Variants in FHIP1A observed in about 807,000 individuals in gnomAD.
FHIP1A encodes FHF complex subunit HOOK-interacting protein 1A.
Under a neutral mutation model 88.6 loss-of-function variants are expected in FHIP1A, and 61 were observed. The observed-to-expected ratio is 0.69, with a 90% CI of 0.56 to 0.85. The LOEUF (loss-of-function observed/expected upper bound fraction) is 0.85. FHIP1A is among the 40% of genes least tolerant of loss of function. The pLI is 0.00. For missense variants in FHIP1A, 1,154 were observed against 1,273.5 expected (o/e 0.91, Z 1.43); for synonymous variants, 478 against 496.0 (o/e 0.96, Z 0.48).
chr4:151,460,953 G>A (rs1365916200), intron 2 of FHIP1A, among the ~76,000 whole-genome samples: 1 of 152,130 alleles, frequency 6.6e-6, no homozygotes, highest in East Asian at 1.9e-4. Flanking sequence ...TTATTTGACT[G>A]GTATAAATTA....
intron 3 of FHIP1A, among the ~76,000 whole-genome samples, chr4:151,523,439 G>A (rs1305383188): frequency 6.6e-6 from 1 of 152,154 alleles, no homozygotes; most frequent in Non-Finnish European, 1.5e-5. Flanking sequence ...CTCCCCATAA[G>A]TGAAATTGAT....
intron 1 of FHIP1A, among the ~76,000 whole-genome samples, chr4:151,428,303 G>T (rs1487077161): frequency 6.6e-6 from 1 of 152,048 alleles, no homozygotes; most frequent in Non-Finnish European, 1.5e-5. Context: ...GATTGAAAAA[G>T]AACCCTAACA....
intron 3 of FHIP1A, among the ~76,000 whole-genome samples, chr4:151,551,875 C>G (rs913785642): frequency 3.9e-5 from 6 of 152,076 alleles, no homozygotes; most frequent in Admixed American, 2.0e-4. Context: ...AAAGAAACTA[C>G]CATCAGAGTG....
chr4:151,416,030 T>A (rs1413325504), intron 1 of FHIP1A, among the ~76,000 whole-genome samples: 3 of 152,156 alleles, frequency 2.0e-5, no homozygotes, highest in Non-Finnish European at 4.4e-5. Context: ...TTTTGCAGAA[T>A]GCAGAGTGTA....
rs2126946734 is a variant in FHIP1A, at chr4:151,669,766, T to A, written c.*7012T>A. ...AGTCTCTTAAAATTCTGTCACTAATTTTTTTAAACGACTTTTTTTAAAAAG... is the reference window on the plus strand; with the variant it reads ...AGTCTCTTAAAATTCTGTCACTAATATTTTTAAACGACTTTTTTTAAAAAG... On this transcript the variant is annotated 3_prime_UTR_variant, in exon 14 of 14. Coordinates refer to ENST00000435205, the MANE Select transcript of FHIP1A (RefSeq NM_001109977.3). 1 of 152,290 alleles carries A rather than the reference T, an allele frequency of 6.6e-6. No homozygotes were observed. Among genetic ancestry groups the A allele is most frequent in the Non-Finnish European group, 1.5e-5 (1 of 68,030 alleles). 9.4% of individuals were successfully genotyped at this position (152,290 alleles called of 1,614,324 possible). A position where few individuals can be genotyped will look rare whatever the true frequency, so the allele number is the denominator to read the frequency against.
intron 3 of FHIP1A, among the ~76,000 whole-genome samples, chr4:151,516,762 A>C (rs1731254185): frequency 6.6e-6 from 1 of 152,084 alleles, no homozygotes; most frequent in Admixed American, 6.5e-5. Flanking sequence ...ATACCATCTC[A>C]CACCAGTTAG....
chr4:151,464,644 C>A (rs1277735967), intron 2 of FHIP1A, among the ~76,000 whole-genome samples: 1 of 152,202 alleles, frequency 6.6e-6, no homozygotes, highest in Non-Finnish European at 1.5e-5. Context: ...GTGTGTATTA[C>A]CTACAGACAC....
chr4:151,515,437 T>C (rs1048958289), intron 3 of FHIP1A, among the ~76,000 whole-genome samples: 2 of 151,998 alleles, frequency 1.3e-5, no homozygotes, highest in African/African-American at 4.8e-5. Flanking sequence ...CAAAATAGTG[T>C]TGGAAGTTCT....
rs58063674 is a variant in FHIP1A at position 151,459,185 on chromosome 4, A to G, written c.-248+4377A>G. The stretch of plus-strand genomic sequence containing the variant: ...TAAAGAGAATTTTTTTTTAAAGTAT[A>G]TATATACACACACGTGCACAAAAAG... On this transcript the variant is annotated intron_variant, in intron 2 of 13. Coordinates refer to ENST00000435205, the MANE Select transcript of FHIP1A (RefSeq NM_001109977.3). Among the ~76,000 whole-genome samples the G allele has an allele frequency of 8.5e-3, 1,294 of 152,246 alleles. 13 individuals are homozygous for G. Among genetic ancestry groups the G allele is most frequent in the African/African-American group, 0.03 (1,240 of 41,552 alleles).
At chr4:151,590,137 C>A (rs768204744) in intron 7 of FHIP1A, among the ~76,000 whole-genome samples, 6 of 152,142 alleles carry the variant, frequency 3.9e-5, no homozygotes, top group Non-Finnish European at 8.8e-5. Flanking sequence ...GCATTGAAGA[C>A]CTCTAAGCCT....
At chr4:151,452,666 A>G (rs1244501347) in intron 1 of FHIP1A, among the ~76,000 whole-genome samples, 1 of 152,052 alleles carries the variant, frequency 6.6e-6, no homozygotes, top group Non-Finnish European at 1.5e-5. Context: ...AGTCCCAGCT[A>G]CTTGGGAAAA....
intron 7 of FHIP1A, among the ~76,000 whole-genome samples, chr4:151,599,990 C>T (rs1734801358): frequency 6.6e-6 from 1 of 152,216 alleles, no homozygotes; most frequent in Non-Finnish European, 1.5e-5. Context: ...TAGTCACAAA[C>T]AGCACTGAAA....
At position 151,649,628 on chromosome 4, in the gene FHIP1A, C is replaced by T. The variant is rs1323131228; in HGVS notation, c.1587C>T (p.Ser529=). The change falls in exon 11 of 14, where the codon TCC becomes TCT. Residue 529 remains serine, a synonymous_variant. Coordinates refer to ENST00000435205, the MANE Select transcript of FHIP1A (RefSeq NM_001109977.3). ...RVWSALYDGD[S]PDPEMFLQSL... ...GGTCCGCCCTGTATGATGGCGACTC[C>T]CCCGACCCTGAGATGTTTCTCCAGA... 8 of 1,551,710 alleles carry T rather than the reference C, an allele frequency of 5.2e-6. No homozygotes were observed. Among genetic ancestry groups the T allele is most frequent in the Non-Finnish European group, 6.1e-6 (7 of 1,146,984 alleles).
chr4:151,593,876 A>G (rs555044542), intron 7 of FHIP1A, among the ~76,000 whole-genome samples: 2 of 152,188 alleles, frequency 1.3e-5, no homozygotes. Flanking sequence ...TTTCCCATTC[A>G]GTATGATATT....
chr4:151,537,177 C>A (rs1180972149), intron 3 of FHIP1A, among the ~76,000 whole-genome samples: 1 of 151,916 alleles, frequency 6.6e-6, no homozygotes, highest in Admixed American at 6.6e-5. Context: ...TGTCCCAGCC[C>A]ATGTTTAGTT....
chr4:151,624,797 A>T (rs912921730), intron 7 of FHIP1A, among the ~76,000 whole-genome samples: 1 of 151,844 alleles, frequency 6.6e-6, no homozygotes, highest in Non-Finnish European at 1.5e-5. Flanking sequence ...GAGGTCGGGG[A>T]GCAGAAGGGA....
intron 3 of FHIP1A, among the ~76,000 whole-genome samples, chr4:151,509,222 G>C (rs931913020): frequency 6.6e-6 from 1 of 152,094 alleles, no homozygotes; most frequent in East Asian, 1.9e-4. Context: ...GAGTGCAGTG[G>C]CGTGATCTCG....
intron 7 of FHIP1A, among the ~76,000 whole-genome samples, chr4:151,619,625 G>A (rs571308189): frequency 6.6e-5 from 10 of 152,160 alleles, no homozygotes; most frequent in Admixed American, 1.3e-4. Context: ...CATGGGCTGC[G>A]AATAAATGTT....
intron 2 of FHIP1A, among the ~76,000 whole-genome samples, chr4:151,463,070 G>A (rs1426707041): frequency 6.6e-6 from 1 of 152,144 alleles, no homozygotes; most frequent in Admixed American, 6.5e-5. Context: ...TTGAGATTTG[G>A]GGCTGTGTGT....
Sources: gnomAD v4.1 joint callset for allele counts (sites outside exome capture counted in the v4.1 genomes callset) on GRCh38, gnomAD v4.1.1 for gene constraint, MANE v1.5 for transcripts, NCBI Gene and HGNC (gene_info 2026-07-23, HGNC 2026-07-21) for gene names.